The following PATJ variants were observed in gnomAD, a reference collection of about 807,000 sequenced individuals.
PATJ encodes PATJ crumbs cell polarity complex component, also known as inaD-like protein.
PATJ carries 190 observed loss-of-function variants against 224.9 expected under a neutral mutation model. The ratio of observed to expected loss-of-function variants is 0.84; its 90% confidence interval spans 0.75 to 0.95. The LOEUF is 0.95. PATJ is among the 40% of genes least tolerant of loss of function. The pLI is 0.00. For missense variants in PATJ, 2,121 were observed against 2,270.3 expected (o/e 0.93, Z 1.34); for synonymous variants, 769 against 820.3 (o/e 0.94, Z 1.07).
intron 25 of PATJ, among the ~76,000 whole-genome samples, chr1:61,913,506 T>C (rs1672996212): frequency 6.6e-6 from 1 of 152,194 alleles, no homozygotes; most frequent in Admixed American, 6.5e-5. Context: ...CTATACTTGG[T>C]CTATTTTTTT....
chr1:61,763,891 C>T lies in PATJ; in HGVS notation c.189+712C>T, dbSNP rs187041383. Reference sequence around the variant, plus strand: ...CAGGCTGGTCTCAAACTATTGGCCTCAAGCAGTCCTCCTACCTCAGCCTTC... The same window carrying T: ...CAGGCTGGTCTCAAACTATTGGCCTTAAGCAGTCCTCCTACCTCAGCCTTC... On this transcript the variant is annotated intron_variant, in intron 3 of 43. Coordinates refer to ENST00000642238, the MANE Select transcript of PATJ (RefSeq NM_001350145.3). Among the ~76,000 whole-genome samples, 779 of 152,268 alleles carry T rather than the reference C, an allele frequency of 5.1e-3. 5 individuals carry two copies. The highest frequency in any genetic ancestry group is 0.018 in the African/African-American group (754 of 41,556).
intron 27 of PATJ, among the ~76,000 whole-genome samples, chr1:61,976,785 G>A (rs74860277): frequency 0.083 from 12,574 of 151,852 alleles, 1,612 homozygotes; most frequent in African/African-American, 0.26. Context: ...TCTCCCATAT[G>A]TTCTCCCAGG....
chr1:61,946,317 T>C (rs1678698437), intron 27 of PATJ, among the ~76,000 whole-genome samples: 1 of 151,838 alleles, frequency 6.6e-6, no homozygotes, highest in Non-Finnish European at 1.5e-5. Context: ...GATAGACCAC[T>C]AGCAAGACTA....
intron 29 of PATJ, among the ~76,000 whole-genome samples, chr1:62,023,193 G>T (rs1488445830): frequency 1.3e-5 from 2 of 151,880 alleles, no homozygotes; most frequent in African/African-American, 4.8e-5. Flanking sequence ...GGGAGGCTGA[G>T]GCAGGAGAAT....
At chr1:62,109,548 A>G (rs1663544191) in intron 34 of PATJ, among the ~76,000 whole-genome samples, 1 of 152,202 alleles carries the variant, frequency 6.6e-6, no homozygotes, top group Non-Finnish European at 1.5e-5. Flanking sequence ...ATGAGGTTAG[A>G]AAAATAAGCA....
chr1:61,987,180 A>AT (rs1356990109), intron 27 of PATJ, among the ~76,000 whole-genome samples: 1 of 151,820 alleles, frequency 6.6e-6, no homozygotes, highest in Non-Finnish European at 1.5e-5. Flanking sequence ...TTAATTTATA[A>AT]TTTTTTTGTT....
intron 9 of PATJ, 54 bp from the exon 10 acceptor site, chr1:61,795,413 A>G (rs1031570218): frequency 8.4e-6 from 9 of 1,065,500 alleles, no homozygotes; most frequent in African/African-American, 7.8e-5. Flanking sequence ...AAATTTTGCA[A>G]TCAAGGCCTA....
At chr1:61,817,958 A>C (rs769158629) in intron 14 of PATJ, among the ~76,000 whole-genome samples, 1 of 152,156 alleles carries the variant, frequency 6.6e-6, no homozygotes, top group Non-Finnish European at 1.5e-5. Flanking sequence ...TTTTCTGTCA[A>C]GTTCAACATT....
intron 28 of PATJ, among the ~76,000 whole-genome samples, chr1:62,014,077 C>G (rs530764633): frequency 1.3e-5 from 2 of 151,774 alleles, no homozygotes; most frequent in Admixed American, 6.6e-5. Flanking sequence ...CCCAGCCCCC[C>G]ATTCTTCTCA....
chr1:61,766,539 C>T, intron 4 of PATJ, 66 bp downstream of exon 4: 1 of 1,078,590 alleles, frequency 9.3e-7, no homozygotes, highest in South Asian at 1.7e-5. Flanking sequence ...TACAAAGGAG[C>T]TTATACTCAT....
Position 61,946,220 on chromosome 1 carries a change from G to A in PATJ, c.3670+18391G>A, listed in dbSNP as rs192872100. On this transcript the variant is annotated intron_variant, in intron 27 of 43. Transcript: ENST00000642238. ...AAGGCAAGAAATAACTAAGATCAGA[G>A]CAGAACTGAAGGAGATAGAGACACA... 9.9e-5 allele frequency among the ~76,000 whole-genome samples: 15 copies of A among 152,248 alleles called. No homozygotes were observed. In the East Asian group the frequency reaches 2.7e-3, roughly 27 times the overall value.
At chr1:62,091,698 C>G (rs1000380487) in intron 33 of PATJ, among the ~76,000 whole-genome samples, 1 of 152,070 alleles carries the variant, frequency 6.6e-6, no homozygotes, top group African/African-American at 2.4e-5. Context: ...ACGTGGATCA[C>G]TTGAGCCTAG....
intron 9 of PATJ, among the ~76,000 whole-genome samples, chr1:61,794,708 C>T (rs1366370905): frequency 6.6e-6 from 1 of 151,880 alleles, no homozygotes; most frequent in Non-Finnish European, 1.5e-5. Context: ...CTTTTCTGGG[C>T]CAGGCGTGGT....
At chr1:61,776,573 AG>A (rs1646924283) in intron 7 of PATJ, among the ~76,000 whole-genome samples, 1 of 152,126 alleles carries the variant, frequency 6.6e-6, no homozygotes, top group South Asian at 2.1e-4. Context: ...CAAAATGGGA[AG>A]TACCACCTAG....
chr1:62,061,274 C>T (rs1249159819), intron 31 of PATJ, among the ~76,000 whole-genome samples: 1 of 151,770 alleles, frequency 6.6e-6, no homozygotes, highest in Non-Finnish European at 1.5e-5. Context: ...CTCTACCTCC[C>T]AGGTTCAAGC....
At chr1:61,785,039 C>T (rs1648216644) in intron 7 of PATJ, among the ~76,000 whole-genome samples, 2 of 152,126 alleles carry the variant, frequency 1.3e-5, no homozygotes. Flanking sequence ...CTAAAGCATT[C>T]CTTCATTTAG....
intron 30 of PATJ, among the ~76,000 whole-genome samples, chr1:62,045,261 A>G (rs773065325): frequency 3.9e-5 from 6 of 152,110 alleles, no homozygotes; most frequent in Non-Finnish European, 5.9e-5. Context: ...TTCAATCCAC[A>G]ATAACATCCT....
At chr1:61,784,799 A>G (rs1341821066) in intron 7 of PATJ, among the ~76,000 whole-genome samples, 1 of 152,242 alleles carries the variant, frequency 6.6e-6, no homozygotes, top group Non-Finnish European at 1.5e-5. Flanking sequence ...TGTTGCATGC[A>G]TGAAAACAGA....
chr1:61,847,570 G>A (rs1662163091), intron 17 of PATJ, among the ~76,000 whole-genome samples: 1 of 152,084 alleles, frequency 6.6e-6, no homozygotes, highest in Non-Finnish European at 1.5e-5. Context: ...ATGGTGCTGT[G>A]GTAATTGGTA....
Sources: gnomAD v4.1 joint callset for allele counts (sites outside exome capture counted in the v4.1 genomes callset) on GRCh38, gnomAD v4.1.1 for gene constraint, MANE v1.5 for transcripts, NCBI Gene and HGNC (gene_info 2026-07-23, HGNC 2026-07-21) for gene names.